CTSO: variants seen among roughly 807,000 people sequenced by gnomAD.
The protein encoded by CTSO is cathepsin O.
In CTSO, 40 loss-of-function variants were observed where a neutral mutation model predicts 42.4. The ratio of observed to expected loss-of-function variants is 0.94; its 90% CI spans 0.73 to 1.23. The LOEUF is 1.23. Ranked by LOEUF, CTSO falls within the 50% of genes most tolerant of loss-of-function variation. The probability of loss-of-function intolerance (pLI) is 0.00; values close to 1 mark genes in which losing one functional copy is unlikely to be tolerated. For synonymous variants in CTSO, 156 were observed against 146.2 expected, an observed-to-expected ratio of 1.07 and a Z score of -0.48; for missense variants, 441 against 396.0, an observed-to-expected ratio of 1.11 and a Z score of -0.96.
Position 155,943,137 on chromosome 4 carries a change from T to C in CTSO, c.244+19A>G, listed in dbSNP as rs185450641. 245 of 1,430,202 alleles carry C rather than the reference T, an allele frequency of 1.7e-4. 1 individual carries two copies. In the African/African-American group the frequency reaches 3.2e-3, roughly 19 times the overall value. 88.6% of individuals were successfully genotyped at this position (1,430,202 alleles called of 1,614,324 possible). On this transcript the variant is annotated intron_variant, in intron 2 of 7. Coordinates refer to ENST00000433477, the MANE Select transcript of CTSO (RefSeq NM_001334.3). ...AATTAAAATCAGGAAACCACCTAAA[T>C]AGCAACATCGGACTATACCTTTAAA...
intron 7 of CTSO, among the ~76,000 whole-genome samples, chr4:155,927,331 T>C (rs1439370231): frequency 6.6e-6 from 1 of 152,264 alleles, no homozygotes; most frequent in African/African-American, 2.4e-5. Flanking sequence ...TGCTCTAATA[T>C]GTAACTTAGT....
rs143700847 is a variant in CTSO at position 155,946,219 on chromosome 4, T to A, written c.136-2955A>T. Among the ~76,000 whole-genome samples, 39 of 152,278 alleles carry A rather than the reference T, an allele frequency of 2.6e-4. No individual in the cohort carries two copies. In the East Asian group the frequency reaches 7.0e-3, roughly 27 times the overall value. Reference sequence around the variant, plus strand: ...ATATATTGCCACTCAAGTTGGCAAATGCCAGATGAAACAAACTTATACATC... The same window carrying A: ...ATATATTGCCACTCAAGTTGGCAAAAGCCAGATGAAACAAACTTATACATC... On this transcript the variant is annotated intron_variant, in intron 1 of 7. Transcript: ENST00000433477.
chr4:155,930,445 G>A (rs1004163162), intron 5 of CTSO, among the ~76,000 whole-genome samples: 5 of 152,148 alleles, frequency 3.3e-5, no homozygotes, highest in Non-Finnish European at 5.9e-5. Flanking sequence ...CACAATTATT[G>A]TTTTCACACA....
At chr4:155,938,281 C>T (rs911382023) in intron 4 of CTSO, among the ~76,000 whole-genome samples, 1 of 152,236 alleles carries the variant, frequency 6.6e-6, no homozygotes. Flanking sequence ...GAATGCTAGG[C>T]TAATGAAAGG....
chr4:155,930,706 T>C (rs1483156354), intron 5 of CTSO, among the ~76,000 whole-genome samples: 2 of 152,120 alleles, frequency 1.3e-5, no homozygotes, highest in Non-Finnish European at 2.9e-5. Flanking sequence ...TGGAGACCAG[T>C]TTCTAGAGAG....
intron 1 of CTSO, among the ~76,000 whole-genome samples, chr4:155,945,802 T>C (rs1428829094): frequency 2.0e-5 from 3 of 152,170 alleles, no homozygotes; most frequent in Admixed American, 6.5e-5. Context: ...GACAATATAT[T>C]GTGACCAAGT....
At chr4:155,931,150 C>T (rs984307601) in intron 5 of CTSO, among the ~76,000 whole-genome samples, 1 of 152,124 alleles carries the variant, frequency 6.6e-6, no homozygotes, top group Admixed American at 6.5e-5. Context: ...TCATTTCTAA[C>T]TTATCTAATA....
chr4:155,929,700 T>C lies in CTSO; in HGVS notation c.680A>G (p.Gln227Arg). The C allele has an allele frequency of 1.9e-6, 3 of 1,608,512 alleles. No homozygotes were observed. Among genetic ancestry groups the C allele is most frequent in the Non-Finnish European group, 2.5e-6 (3 of 1,178,716 alleles). Reference protein sequence around the residue: ...KGYSAYDFSDQEDEMAKALLT... With the variant: ...KGYSAYDFSDREDEMAKALLT... Reference sequence around the variant, plus strand: ...AAGTGCTTTTGCCATTTCATCTTCTTGGTCACTACCAAAAGAGGAAATATT... The same window carrying C: ...AAGTGCTTTTGCCATTTCATCTTCTCGGTCACTACCAAAAGAGGAAATATT... Residue 227 changes from glutamine (Q) to arginine (R), a missense_variant, in exon 6 of 8, where the codon CAA becomes CGA. Physicochemically the swap from Gln to Arg is conservative, Grantham distance 43. Coordinates refer to ENST00000433477, the MANE Select transcript of CTSO (RefSeq NM_001334.3).
At chr4:155,939,676 G>A (rs1743394616) in intron 3 of CTSO, 138 bp from the exon 4 acceptor site, 2 of 646,536 alleles carry the variant, frequency 3.1e-6, no homozygotes, top group South Asian at 4.4e-5. Context: ...CTATCCTCTA[G>A]ATTTTTAAAC....
chr4:155,949,504 A>G (rs1743607939), intron 1 of CTSO, among the ~76,000 whole-genome samples: 1 of 152,172 alleles, frequency 6.6e-6, no homozygotes, highest in Admixed American at 6.5e-5. Flanking sequence ...ATTAACAGAG[A>G]CACCTAAGGT....
intron 7 of CTSO, among the ~76,000 whole-genome samples, chr4:155,926,864 T>G (rs1422028435): frequency 6.6e-6 from 1 of 152,174 alleles, no homozygotes; most frequent in East Asian, 1.9e-4. Context: ...ATATTTGAAT[T>G]ATGTTATTTT....
chr4:155,932,201 A>AT (rs933980692), intron 5 of CTSO, among the ~76,000 whole-genome samples: 1 of 151,966 alleles, frequency 6.6e-6, no homozygotes, highest in Non-Finnish European at 1.5e-5. Flanking sequence ...ATTTTAGATG[A>AT]TTTTTTTCCC....
At position 155,925,920 on chromosome 4, in the gene CTSO, G is replaced by A. The variant is rs1291148205; in HGVS notation, c.*116C>T. The A allele has an allele frequency of 1.1e-6, 1 of 879,198 alleles. No homozygotes were observed. The highest frequency in any genetic ancestry group is 1.7e-5 in the African/African-American group (1 of 58,872). 54.5% of individuals were successfully genotyped at this position (879,198 alleles called of 1,614,324 possible). A position where few individuals can be genotyped will look rare whatever the true frequency, so the allele number is the denominator to read the frequency against. ...TTAGTTTAAATACTACTAGGCCTTA[G>A]AATCTTTTGTAGGTAGTTGCTGAAA... is the stretch of plus-strand genomic sequence containing the variant. On this transcript the variant is annotated 3_prime_UTR_variant, in exon 8 of 8. Coordinates refer to ENST00000433477, the MANE Select transcript of CTSO (RefSeq NM_001334.3).
intron 4 of CTSO, 56 bp downstream of exon 4, chr4:155,939,315 A>G (rs1743385632): frequency 6.9e-7 from 1 of 1,453,738 alleles, no homozygotes; most frequent in South Asian, 1.4e-5. Flanking sequence ...TTTTGAACAC[A>G]CAGTAAACAA....
At position 155,944,356 on chromosome 4, in the gene CTSO, T is replaced by C. The variant is rs140192277; in HGVS notation, c.136-1092A>G. Among the ~76,000 whole-genome samples the C allele has an allele frequency of 3.1e-3, 478 of 152,320 alleles. 3 individuals carry two copies. Among genetic ancestry groups the C allele is most frequent in the African/African-American group, 0.011 (455 of 41,572 alleles). Reference sequence around the variant, plus strand: ...ATAAAGTTTTTGAGGTACTTTAAAATAATCTTGATGAAGCAAGGCTTTCAA... The same window carrying C: ...ATAAAGTTTTTGAGGTACTTTAAAACAATCTTGATGAAGCAAGGCTTTCAA... On this transcript the variant is annotated intron_variant, in intron 1 of 7. Coordinates refer to ENST00000433477, the MANE Select transcript of CTSO (RefSeq NM_001334.3).
intron 1 of CTSO, among the ~76,000 whole-genome samples, chr4:155,946,111 A>G (rs1285617646): frequency 6.6e-6 from 1 of 152,234 alleles, no homozygotes; most frequent in Non-Finnish European, 1.5e-5. Flanking sequence ...GGGAGGCAGT[A>G]GTTGAGCCAC....
chr4:155,943,599 C>T (rs11722604), intron 1 of CTSO, among the ~76,000 whole-genome samples: 1 of 151,928 alleles, frequency 6.6e-6, no homozygotes, highest in Admixed American at 6.6e-5. Context: ...ACACTAGATA[C>T]TAGAAGCAAA....
At chr4:155,939,612 GTTATCAAATCAAGTAAGGC>G in intron 3 of CTSO, 74 bp from the exon 4 acceptor site, 3 of 1,339,394 alleles carry the variant, frequency 2.2e-6, no homozygotes, top group Non-Finnish European at 3.0e-6. Context: ...AATGTAACAA[GTTATCAAATCAAGTAAGGC>G]TTCCAGATTC....
chr4:155,935,508 C>G (rs1323430093), intron 5 of CTSO, among the ~76,000 whole-genome samples: 2 of 152,046 alleles, frequency 1.3e-5, no homozygotes, highest in Non-Finnish European at 2.9e-5. Flanking sequence ...TAAGTCCACG[C>G]ACTTCTCCAA....
Sources: gnomAD v4.1 joint callset for allele counts (sites outside exome capture counted in the v4.1 genomes callset) on GRCh38, gnomAD v4.1.1 for gene constraint, MANE v1.5 for transcripts, NCBI Gene and HGNC (gene_info 2026-07-23, HGNC 2026-07-21) for gene names.